RHOBTB2: variants seen among roughly 807,000 people sequenced by gnomAD.
RHOBTB2 encodes rho-related BTB domain-containing protein 2.
RHOBTB2 carries 39 observed loss-of-function variants against 66.5 expected under a neutral mutation model. The ratio of observed to expected loss-of-function variants is 0.59; its 90% CI spans 0.45 to 0.77. The LOEUF (loss-of-function observed/expected upper bound fraction) is 0.77, where lower values mean the gene tolerates loss of function less well. Among genes scored for constraint, RHOBTB2 ranks in the 30% least tolerant of loss-of-function variants. The pLI is 0.00. For missense variants in RHOBTB2, 755 were observed against 999.1 expected, an observed-to-expected ratio of 0.76 and a Z score of 3.29; for synonymous variants, 390 against 395.0, an observed-to-expected ratio of 0.99 and a Z score of 0.15.
chr8:22,957,136 C>T, the RHOBTB2 span, among the ~76,000 whole-genome samples: 3 of 152,174 alleles, frequency 2.0e-5, no homozygotes, highest in South Asian at 4.2e-4. Flanking sequence ...CAGAACTCTT[C>T]CTCACAATTA....
the RHOBTB2 span, among the ~76,000 whole-genome samples, chr8:22,963,109 A>G: frequency 2.6e-5 from 4 of 152,230 alleles, no homozygotes; most frequent in Non-Finnish European, 4.4e-5. Context: ...CAGCACCAGC[A>G]TATGGCAGCA....
the RHOBTB2 span, among the ~76,000 whole-genome samples, chr8:22,966,556 C>A: frequency 5.8e-3 from 862 of 149,810 alleles, 7 homozygotes; most frequent in African/African-American, 0.02. Flanking sequence ...AAGCCAGGGT[C>A]GGAGGACTGA....
At chr8:22,975,238 AC>A in the RHOBTB2 span, among the ~76,000 whole-genome samples, 1 of 151,406 alleles carries the variant, frequency 6.6e-6, no homozygotes, top group Admixed American at 6.6e-5. Flanking sequence ...GGGCCCCTTC[AC>A]CTGCCCCACC....
chr8:23,008,101 C>T lies in RHOBTB2; in HGVS notation c.1610C>T (p.Ser537Phe). 1 of 1,610,316 alleles carries T rather than the reference C, an allele frequency of 6.2e-7. No homozygotes were observed. Among genetic ancestry groups the T allele is most frequent in the Non-Finnish European group, 8.5e-7 (1 of 1,178,166 alleles). ...AMFGGPFVES[S>F]TREVVFPYTS... is the part of the protein sequence containing the mutation. ...TTTGGGGGGCCATTTGTGGAGAGCT[C>T]CACCCGGGAGGTAAGGCTGAGGACA... Residue 537 changes from serine to phenylalanine, a missense_variant, in exon 6 of 10, where the codon TCC becomes TTC. Ser to Phe is a radical substitution (Grantham distance 155). Transcript: ENST00000251822.
chr8:23,000,208 G>C lies in RHOBTB2; in HGVS notation c.-11+103G>C, dbSNP rs1019870141. 9.9e-5 allele frequency: 80 copies of C among 808,438 alleles called. No homozygotes were observed. The African/African-American group carries it at 1.3e-3, about 14-fold the overall frequency. 50.1% of individuals were successfully genotyped at this position (808,438 alleles called of 1,614,324 possible). A position where few individuals can be genotyped will look rare whatever the true frequency, so the allele number is the denominator to read the frequency against. ...TGCCGCGCCCCTCGCTACGTTCCCC[G>C]GGCCCCGCTAGTCCCTGGGCTCTGG... is the stretch of plus-strand genomic sequence containing the variant. On this transcript the variant is annotated intron_variant, in intron 1 of 9. Transcript: ENST00000251822.
In RHOBTB2 at chr8:23,007,386, G is replaced by A. The variant is rs1294378501; in HGVS notation, c.1141G>A (p.Gly381Ser). 2 of 1,614,008 alleles carry A rather than the reference G, an allele frequency of 1.2e-6. No individual in the cohort carries two copies. The highest frequency in any genetic ancestry group is 1.7e-6 in the Non-Finnish European group (2 of 1,180,020). Residue 381 changes from glycine (G) to serine (S), a missense_variant, in exon 5 of 10, where the codon GGC becomes AGC. This residue lies in a region of RHOBTB2 where 247 missense variants were observed against 238.9 expected (regional missense o/e 1.03). Transcript: ENST00000251822. ...LRGNGTGYLP[G>S]RGRVLSSWSR... ...GGGCAACGGAACAGGGTACCTACCG[G>A]GCAGGGGTCGTGTGCTGTCTTCCTG...
chr8:22,958,247 T>C, the RHOBTB2 span, among the ~76,000 whole-genome samples: 1 of 152,208 alleles, frequency 6.6e-6, no homozygotes, highest in Non-Finnish European at 1.5e-5. Flanking sequence ...CAAGACAGCC[T>C]GCTTGACAAG....
intron 7 of RHOBTB2, among the ~76,000 whole-genome samples, chr8:23,011,463 C>G (rs1347681279): frequency 6.6e-6 from 1 of 152,132 alleles, no homozygotes; most frequent in Non-Finnish European, 1.5e-5. Context: ...CATCCTCTTT[C>G]CAGAAACAGC....
chr8:23,006,110 G>A lies in RHOBTB2; in HGVS notation c.447G>A (p.Leu149=), dbSNP rs1810942143. The A allele has an allele frequency of 6.2e-7, 1 of 1,613,852 alleles. No homozygotes were observed. The highest frequency in any genetic ancestry group is 1.3e-5 in the African/African-American group (1 of 74,904). ...AGTTGGACCTGCGCTACGCTGACCT[G>A]GAGGCTGTCAACAGGGCTAGGCGAC... ...GCQLDLRYAD[L]EAVNRARRPL... is the part of the protein sequence containing the mutation. The change falls in exon 4 of 10, where the codon CTG becomes CTA. Residue 149 remains leucine, a synonymous_variant. Coordinates refer to ENST00000251822, the MANE Select transcript of RHOBTB2 (RefSeq NM_015178.3). This position sits in a 1 kb window ranked among gnomAD's most constrained non-coding sequence, Gnocchi z 6.1.
chr8:23,003,472 A>G (rs1810846708), intron 1 of RHOBTB2, among the ~76,000 whole-genome samples: 1 of 152,206 alleles, frequency 6.6e-6, no homozygotes, highest in African/African-American at 2.4e-5. Flanking sequence ...TTTAGTGAAC[A>G]TCACCTAGGA....
rs1810885026 is a variant in RHOBTB2 at position 23,004,424 on chromosome 8, G to A, written c.-10-1G>A. The stretch of plus-strand genomic sequence containing the variant: ...CTGACCGCCTCCCTCCTCTCCCTCA[G>A]GTCCCGTTTAATGGATTCTGACATG... On this transcript the variant is annotated splice_acceptor_variant, in intron 1 of 9. Coordinates refer to ENST00000251822, the MANE Select transcript of RHOBTB2 (RefSeq NM_015178.3). LOFTEE classifies it low-confidence loss of function (5UTR_SPLICE). This position sits in a 1 kb window ranked among gnomAD's most constrained non-coding sequence, Gnocchi z 6.4. 1 of 1,614,008 alleles carries A rather than the reference G, an allele frequency of 6.2e-7. No homozygotes were observed.
At chr8:22,993,931 G>C (rs1810483125) in intron 2 of RHOBTB2, among the ~76,000 whole-genome samples, 1 of 152,192 alleles carries the variant, frequency 6.6e-6, no homozygotes, top group South Asian at 2.1e-4. Context: ...TGCAGAATTA[G>C]ATTCTCTTTC....
intron 1 of RHOBTB2, among the ~76,000 whole-genome samples, chr8:23,001,037 G>T: frequency 6.6e-6 from 1 of 152,140 alleles, no homozygotes; most frequent in East Asian, 1.9e-4. Context: ...GAGGTTTGTA[G>T]CTAATTTCAG....
the RHOBTB2 span, among the ~76,000 whole-genome samples, chr8:22,951,792 C>T: frequency 4.6e-5 from 7 of 152,150 alleles, no homozygotes; most frequent in Non-Finnish European, 1.0e-4. Flanking sequence ...TGGATGTATA[C>T]GTGCAGGTCA....
chr8:22,972,945 C>T, the RHOBTB2 span, among the ~76,000 whole-genome samples: 751 of 152,318 alleles, frequency 4.9e-3, 6 homozygotes, highest in African/African-American at 0.017. Flanking sequence ...TGCAGTTTCC[C>T]GGGAAGGCAT....
the RHOBTB2 span, among the ~76,000 whole-genome samples, chr8:22,975,316 A>G: frequency 7.9e-5 from 12 of 152,092 alleles, no homozygotes; most frequent in Non-Finnish European, 1.3e-4. Context: ...CTGAAGTTGC[A>G]TTTCCTTGGA....
At chr8:22,960,903 A>G in the RHOBTB2 span, among the ~76,000 whole-genome samples, 16 of 152,318 alleles carry the variant, frequency 1.1e-4, no homozygotes, top group East Asian at 3.1e-3. Flanking sequence ...TGTGACCTGT[A>G]GGTTATCAGC....
At chr8:22,997,622 C>T (rs186490099), upstream of RHOBTB2, among the ~76,000 whole-genome samples, 29 of 152,330 alleles carry the variant, frequency 1.9e-4, no homozygotes, top group Middle Eastern at 3.4e-3. Flanking sequence ...CTCTAGCTTA[C>T]AGTCCGAGCA....
chr8:22,960,656 T>C, the RHOBTB2 span, among the ~76,000 whole-genome samples: 3 of 152,146 alleles, frequency 2.0e-5, no homozygotes, highest in East Asian at 5.8e-4. Flanking sequence ...AATCTTTGGC[T>C]ACAGATCACA....
Sources: gnomAD v4.1 joint callset for allele counts (sites outside exome capture counted in the v4.1 genomes callset) on GRCh38, gnomAD v4.1.1 for gene constraint, gnomAD v4.1.1 regional missense constraint, Gnocchi (gnomAD v3.1) non-coding constraint, MANE v1.5 for transcripts, NCBI Gene and HGNC (gene_info 2026-07-23, HGNC 2026-07-21) for gene names.